ZNF429: variants seen among roughly 807,000 people sequenced by gnomAD.
The protein encoded by ZNF429 is zinc finger protein 429.
In ZNF429, 53 loss-of-function variants were observed where a neutral mutation model predicts 56.8. The ratio of observed to expected loss-of-function variants is 0.93; its 90% CI spans 0.75 to 1.17. The LOEUF is 1.17. ZNF429 is among the 50% of genes most tolerant of loss of function. The probability of loss-of-function intolerance (pLI) is 0.00; values close to 1 mark genes in which losing one functional copy is unlikely to be tolerated. For synonymous variants in ZNF429, 278 were observed against 264.7 expected (o/e 1.05, Z -0.49); for missense variants, 849 against 788.4 (o/e 1.08, Z -0.92).
At chr19:21,510,335 C>A (rs1049484000) in intron 1 of ZNF429, among the ~76,000 whole-genome samples, 2 of 152,026 alleles carry the variant, frequency 1.3e-5, no homozygotes, top group Non-Finnish European at 2.9e-5. Flanking sequence ...AGCCCAAAGT[C>A]CAGGAACCTC....
At chr19:21,529,551 A>T in intron 1 of ZNF429, 107 bp from the exon 2 acceptor site, 13 of 1,204,122 alleles carry the variant, frequency 1.1e-5, no homozygotes, top group Admixed American at 3.0e-5. Flanking sequence ...AGTTCTCTTT[A>T]CTCTCTCATT....
intron 1 of ZNF429, among the ~76,000 whole-genome samples, chr19:21,506,905 A>AT (rs1170403286): frequency 1.3e-5 from 2 of 150,550 alleles, no homozygotes; most frequent in Non-Finnish European, 2.9e-5. Flanking sequence ...AGTAGCTGGG[A>AT]TTATAGGCAG....
intron 3 of ZNF429, among the ~76,000 whole-genome samples, chr19:21,533,589 A>G: frequency 1.3e-5 from 2 of 150,276 alleles, no homozygotes; most frequent in African/African-American, 4.9e-5. Flanking sequence ...TTTAATGTCC[A>G]AGTATTTTAT....
intron 3 of ZNF429, among the ~76,000 whole-genome samples, chr19:21,535,415 TC>T: frequency 1.7e-3 from 6 of 3,626 alleles, no homozygotes; most frequent in African/African-American, 7.5e-3. Flanking sequence ...CTTTTTCTTT[TC>T]TTTCTTTCTT....
chr19:21,527,347 C>G (rs1276254852), intron 1 of ZNF429, among the ~76,000 whole-genome samples: 2 of 152,180 alleles, frequency 1.3e-5, no homozygotes, highest in African/African-American at 4.8e-5. Context: ...TAGAATTCCA[C>G]AGCCAATTTA....
At position 21,514,166 on chromosome 19, in the gene ZNF429, TC is replaced by T. The variant is rs538241181; in HGVS notation, c.3+8397del. ...CAGTCTTTTCACCTACATAGTACTC[TC>T]CCCCAACTAATGAAGTTTTTTCCTT... is the stretch of plus-strand genomic sequence containing the variant. On this transcript the variant is annotated intron_variant, in intron 1 of 3. Transcript: ENST00000358491. Among the ~76,000 whole-genome samples the T allele has an allele frequency of 7.0e-4, 106 of 152,290 alleles. 1 individual carries two copies. The highest frequency in any genetic ancestry group is 2.5e-3 in the African/African-American group (103 of 41,562).
chr19:21,538,116 A>C lies in ZNF429; in HGVS notation c.*38A>C, dbSNP rs1452661250. 16 of 796,172 alleles carry C rather than the reference A, an allele frequency of 2.0e-5. No individual in the cohort carries two copies. Among genetic ancestry groups the C allele is most frequent in the Non-Finnish European group, 2.8e-5 (15 of 534,374 alleles). The allele number at this position is 796,172 out of a possible 1,614,324, so 49.3% of individuals were successfully genotyped here. A position where few individuals can be genotyped will look rare whatever the true frequency, so the allele number is the denominator to read the frequency against. On this transcript the variant is annotated 3_prime_UTR_variant, in exon 4 of 4. Coordinates refer to ENST00000358491, the MANE Select transcript of ZNF429 (RefSeq NM_001001415.4). ...CCGTCTCTACTAAAAATACAAAAAA[A>C]AAAAAAAAAAAAATTAGCCAGGCGT...
chr19:21,506,512 A>C (rs893251137), intron 1 of ZNF429, among the ~76,000 whole-genome samples: 1 of 151,796 alleles, frequency 6.6e-6, no homozygotes, highest in East Asian at 1.9e-4. Flanking sequence ...TGGTTCTAAA[A>C]TTGTAAAGCA....
intron 2 of ZNF429, 88 bp from the exon 3 acceptor site, chr19:21,530,501 A>C: frequency 1.3e-6 from 1 of 779,992 alleles, no homozygotes; most frequent in Non-Finnish European, 1.9e-6. Flanking sequence ...CTAGAATATT[A>C]TATTACATCC....
chr19:21,516,424 G>A (rs1015560368), intron 1 of ZNF429, among the ~76,000 whole-genome samples: 1 of 151,982 alleles, frequency 6.6e-6, no homozygotes, highest in Admixed American at 6.6e-5. Context: ...TTGGCTCTTC[G>A]GGCTTTTTTT....
intron 1 of ZNF429, among the ~76,000 whole-genome samples, chr19:21,519,613 A>G (rs1342780674): frequency 1.3e-5 from 2 of 152,240 alleles, no homozygotes; most frequent in East Asian, 3.9e-4. Flanking sequence ...AAGTTAGCCC[A>G]CCCTCTTTAG....
In ZNF429 at chr19:21,536,334, C is replaced by T; in HGVS notation, c.281C>T (p.Ser94Phe). ...TGGCCAGAGCAAGACATAAAAGATTCTTTCCAAAAAGTGACACTGAGGAGA... is the reference window on the plus strand; with the variant it reads ...TGGCCAGAGCAAGACATAAAAGATTTTTTCCAAAAAGTGACACTGAGGAGA... Reference protein sequence around the residue: ...DFWPEQDIKDSFQKVTLRRYD... With the variant: ...DFWPEQDIKDFFQKVTLRRYD... Residue 94 changes from serine to phenylalanine, a missense_variant, in exon 4 of 4, where the codon TCT becomes TTT. By Grantham distance (155) the Ser-to-Phe change is radical (BLOSUM62 -2). Transcript: ENST00000358491. 2.5e-6 allele frequency: 4 copies of T among 1,608,668 alleles called. No individual in the cohort carries two copies. Among genetic ancestry groups the T allele is most frequent in the Non-Finnish European group, 3.4e-6 (4 of 1,178,226 alleles).
At chr19:21,520,515 G>T (rs1284331909) in intron 1 of ZNF429, among the ~76,000 whole-genome samples, 1 of 151,942 alleles carries the variant, frequency 6.6e-6, no homozygotes, top group African/African-American at 2.4e-5. Flanking sequence ...TTGACTCAAG[G>T]TTGTCTTTCT....
intron 1 of ZNF429, among the ~76,000 whole-genome samples, chr19:21,506,767 G>GTTTT (rs60650857): frequency 8.1e-5 from 9 of 111,752 alleles, no homozygotes; most frequent in Non-Finnish European, 1.2e-4. Context: ...TTAGTTTTTT[G>GTTTT]TTTTTTTTTT....
At chr19:21,509,111 C>A (rs2032327541) in intron 1 of ZNF429, among the ~76,000 whole-genome samples, 1 of 151,814 alleles carries the variant, frequency 6.6e-6, no homozygotes, top group Non-Finnish European at 1.5e-5. Context: ...TGGGTTCAAG[C>A]AATTCTCCTG....
rs1371382180 is a variant in ZNF429 at position 21,538,073 on chromosome 19, G to A, written c.2020G>A (p.Gly674Ser). The A allele has an allele frequency of 1.6e-6, 2 of 1,244,236 alleles. No homozygotes were observed. The highest frequency in any genetic ancestry group is 2.3e-6 in the Non-Finnish European group (2 of 875,212). The allele number at this position is 1,244,236 out of a possible 1,614,324, so 77.1% of individuals were successfully genotyped here. ...GAGGTCAGGAGATCGAGACCGTCCT[G>A]GCTAACATGGTGAAACCCCGTCTCT... ...ITRSGDRDRP[G>S] The change falls in exon 4 of 4, where the codon GGC (glycine) becomes AGC (serine). Residue 674 changes from glycine to serine, a missense_variant. Physicochemically the swap from Gly to Ser is moderately conservative, Grantham distance 56. Coordinates refer to ENST00000358491, the MANE Select transcript of ZNF429 (RefSeq NM_001001415.4).
At chr19:21,530,540 A>G in intron 2 of ZNF429, 49 bp from the exon 3 acceptor site, 1 of 1,367,848 alleles carries the variant, frequency 7.3e-7, no homozygotes, top group Non-Finnish European at 1.0e-6. Context: ...CTAAATTGGT[A>G]ATTACAGAAT....
rs926329405 is a variant in ZNF429, at chr19:21,539,229, T to C, written c.*1151T>C. Among the ~76,000 whole-genome samples the C allele has an allele frequency of 6.6e-6, 1 of 152,068 alleles. No homozygotes were observed. The highest frequency in any genetic ancestry group is 2.4e-5 in the African/African-American group (1 of 41,398). Reference sequence around the variant, plus strand: ...ATATTGAATACATGTATTAAATACATAGAATATGATATTTAATACATAGAA... The same window carrying C: ...ATATTGAATACATGTATTAAATACACAGAATATGATATTTAATACATAGAA... On this transcript the variant is annotated 3_prime_UTR_variant, in exon 4 of 4. Transcript: ENST00000358491.
Position 21,537,086 on chromosome 19 carries a change from G to T in ZNF429, c.1033G>T (p.Glu345Ter), listed in dbSNP as rs1209757694. The T allele has an allele frequency of 6.2e-7, 1 of 1,613,724 alleles. No individual in the cohort carries two copies. The highest frequency in any genetic ancestry group is 1.3e-5 in the African/African-American group (1 of 74,862). ...HTGEKPYKCE[E>*]CGKAFNWSST... ...TGGTGAGAAACCCTACAAATGTGAA[G>T]AATGTGGCAAAGCCTTTAACTGGTC... is the stretch of plus-strand genomic sequence containing the variant. Residue 345 changes from glutamate (E) to a stop codon, truncating the protein, a stop_gained, in exon 4 of 4, where the codon GAA becomes TAA. Coordinates refer to ENST00000358491, the MANE Select transcript of ZNF429 (RefSeq NM_001001415.4). LOFTEE classifies it high-confidence loss of function.
Sources: allele counts gnomAD v4.1 joint callset (sites outside exome capture counted in the v4.1 genomes callset), GRCh38; gene constraint gnomAD v4.1.1; transcripts MANE v1.5; gene names NCBI Gene and HGNC (gene_info 2026-07-23, HGNC 2026-07-21).